PBX1: variants seen among roughly 807,000 people sequenced by gnomAD.
The protein encoded by PBX1 is pre-B-cell leukemia transcription factor 1.
In PBX1, 6 loss-of-function variants were observed where a neutral mutation model predicts 53.4. The ratio of observed to expected loss-of-function variants is 0.11; its 90% CI spans 0.06 to 0.22. The LOEUF (loss-of-function observed/expected upper bound fraction) is 0.22. Among genes scored for constraint, PBX1 ranks in the 10% least tolerant of loss-of-function variants. The pLI, the probability that PBX1 is intolerant of heterozygous loss-of-function variation, is 1.00. For synonymous variants in PBX1, 204 were observed against 212.3 expected, an observed-to-expected ratio of 0.96 and a Z score of 0.34; for missense variants, 251 against 551.4, an observed-to-expected ratio of 0.46 and a Z score of 5.46.
chr1:164,732,563 G>A (rs11800732), intron 2 of PBX1, among the ~76,000 whole-genome samples: 8,661 of 151,974 alleles, frequency 0.057, 300 homozygotes, highest in South Asian at 0.19. Flanking sequence ...TATTAGGTTG[G>A]TGCAAAAGTA....
intron 2 of PBX1, among the ~76,000 whole-genome samples, chr1:164,713,029 C>A (rs2102079922): frequency 6.6e-6 from 1 of 152,308 alleles, no homozygotes; most frequent in Non-Finnish European, 1.5e-5. Flanking sequence ...GGGAAAGGAG[C>A]ACAGGCAAGT....
intron 2 of PBX1, among the ~76,000 whole-genome samples, chr1:164,613,406 C>T (rs1010939722): frequency 5.3e-5 from 8 of 152,186 alleles, no homozygotes; most frequent in Admixed American, 3.3e-4. Flanking sequence ...GTGTTCTCTG[C>T]CTTGAATTCA....
intron 2 of PBX1, among the ~76,000 whole-genome samples, chr1:164,755,633 ACT>A (rs1429438830): frequency 6.6e-6 from 1 of 151,866 alleles, no homozygotes; most frequent in Non-Finnish European, 1.5e-5. Context: ...TGAACATAAC[ACT>A]CTGTCGGCAG....
chr1:164,646,395 T>C lies in PBX1; in HGVS notation c.265+83084T>C, dbSNP rs190029079. On this transcript the variant is annotated intron_variant, in intron 2 of 8. Transcript: ENST00000420696. ...TGATCAACAGTAGGAAAGCTTGTCATTGACAGCCACATACATTATGGAATC... is the reference window on the plus strand; with the variant it reads ...TGATCAACAGTAGGAAAGCTTGTCACTGACAGCCACATACATTATGGAATC... Among the ~76,000 whole-genome samples the C allele has an allele frequency of 2.1e-3, 318 of 152,320 alleles. 2 individuals are homozygous for C. Among genetic ancestry groups the C allele is most frequent in the African/African-American group, 7.1e-3 (296 of 41,580 alleles).
chr1:164,731,671 A>G (rs755846807), intron 2 of PBX1, among the ~76,000 whole-genome samples: 65 of 152,178 alleles, frequency 4.3e-4, no homozygotes, highest in Non-Finnish European at 7.6e-4. Flanking sequence ...TTTGCCTCCC[A>G]TTCGAAAGCC....
At chr1:164,752,989 C>T (rs966808130) in intron 2 of PBX1, among the ~76,000 whole-genome samples, 1 of 152,116 alleles carries the variant, frequency 6.6e-6, no homozygotes, top group Non-Finnish European at 1.5e-5. Context: ...AAGAATAAAA[C>T]CTGGAAGGGT....
At chr1:164,798,117 A>C (rs1425579199) in intron 3 of PBX1, among the ~76,000 whole-genome samples, 1 of 152,100 alleles carries the variant, frequency 6.6e-6, no homozygotes, top group Non-Finnish European at 1.5e-5. Flanking sequence ...AGGGTCAAAA[A>C]CCCAGGCCTC....
At chr1:164,806,819 C>T (rs929929746) in intron 4 of PBX1, among the ~76,000 whole-genome samples, 3 of 151,966 alleles carry the variant, frequency 2.0e-5, no homozygotes, top group African/African-American at 7.3e-5. Context: ...GCAGCTGCCA[C>T]GTGTTGGGCG....
intron 2 of PBX1, among the ~76,000 whole-genome samples, chr1:164,881,157 T>C (rs1160790363): frequency 1.3e-5 from 2 of 151,702 alleles, no homozygotes; most frequent in African/African-American, 4.8e-5. Context: ...CTCCCGGGAG[T>C]CTGGAGAGAA....
At chr1:164,827,386 G>T (rs2102380303) in intron 8 of PBX1, among the ~76,000 whole-genome samples, 1 of 152,172 alleles carries the variant, frequency 6.6e-6, no homozygotes, top group East Asian at 1.9e-4. Flanking sequence ...GTTGTCTTTG[G>T]GTACCTTCTG....
chr1:164,652,879 T>C (rs969687528), intron 2 of PBX1, among the ~76,000 whole-genome samples: 18 of 151,488 alleles, frequency 1.2e-4, no homozygotes, highest in African/African-American at 4.4e-4. Flanking sequence ...TAAACTTTTT[T>C]TTTTTTTTCG....
intron 2 of PBX1, among the ~76,000 whole-genome samples, chr1:164,764,716 A>C (rs926800386): frequency 9.9e-5 from 15 of 152,190 alleles, no homozygotes; most frequent in Non-Finnish European, 1.9e-4. Context: ...ATGGAAAAAG[A>C]CTATTATTTG....
intron 2 of PBX1, among the ~76,000 whole-genome samples, chr1:164,741,735 A>AGTGTGTGT (rs1472287507): frequency 5.4e-4 from 45 of 83,602 alleles, no homozygotes; most frequent in South Asian, 4.1e-3. Flanking sequence ...AGCATGTATG[A>AGTGTGTGT]GTGAGTGTGT....
At chr1:164,833,903 T>C (rs1670891830) in intron 8 of PBX1, among the ~76,000 whole-genome samples, 2 of 151,146 alleles carry the variant, frequency 1.3e-5, no homozygotes, top group African/African-American at 4.9e-5. Flanking sequence ...TTTTTTTTTT[T>C]CTGTTTACCA....
rs116419624 is a variant in PBX1 at position 164,780,937 on chromosome 1, C to T, written c.266-11557C>T. Among the ~76,000 whole-genome samples, 1,467 of 152,294 alleles carry T rather than the reference C, an allele frequency of 9.6e-3. 27 individuals carry two copies. The highest frequency in any genetic ancestry group is 0.034 in the African/African-American group (1,415 of 41,546). Reference sequence around the variant, plus strand: ...TTCCCTGTCAGTTAAAGGCTTAGTGCGTTCAGGGGCTACTTGGAAAGTTCT... The same window carrying T: ...TTCCCTGTCAGTTAAAGGCTTAGTGTGTTCAGGGGCTACTTGGAAAGTTCT... On this transcript the variant is annotated intron_variant, in intron 2 of 8. Coordinates refer to ENST00000420696, the MANE Select transcript of PBX1 (RefSeq NM_002585.4).
At chr1:164,672,140 G>T (rs140597458) in intron 2 of PBX1, among the ~76,000 whole-genome samples, 3 of 151,468 alleles carry the variant, frequency 2.0e-5, no homozygotes, top group East Asian at 3.9e-4. Flanking sequence ...GAACAGTCAT[G>T]GAGAGTGATT....
intron 2 of PBX1, among the ~76,000 whole-genome samples, chr1:164,667,293 T>G (rs749092870): frequency 1.4e-4 from 22 of 152,114 alleles, no homozygotes; most frequent in Non-Finnish European, 2.5e-4. Context: ...AGGACCTTTT[T>G]AGCTAAGGGA....
In PBX1 at chr1:164,847,248, A is replaced by G; in HGVS notation, c.*572A>G. The G allele has an allele frequency of 9.4e-7, 1 of 1,068,080 alleles. No homozygotes were observed. Among genetic ancestry groups the G allele is most frequent in the Non-Finnish European group, 1.1e-6 (1 of 880,908 alleles). The allele number at this position is 1,068,080 out of a possible 1,614,324, so 66.2% of individuals were successfully genotyped here. On this transcript the variant is annotated 3_prime_UTR_variant, in exon 9 of 9. Transcript: ENST00000420696. ...CCTCTTGCTCTTCCTCCCTGGGGAC[A>G]GTACTGATTGGAACACTTTCCTCCT...
intron 2 of PBX1, among the ~76,000 whole-genome samples, chr1:164,695,592 T>G (rs748115090): frequency 5.9e-5 from 9 of 152,226 alleles, no homozygotes; most frequent in Non-Finnish European, 1.3e-4. Flanking sequence ...CCTTGTATAT[T>G]CCTTCATTGT....
Sources: allele counts gnomAD v4.1 joint callset (sites outside exome capture counted in the v4.1 genomes callset), GRCh38; gene constraint gnomAD v4.1.1; transcripts MANE v1.5; gene names NCBI Gene and HGNC (gene_info 2026-07-23, HGNC 2026-07-21).